Variants in SLC28A1 observed in about 807,000 individuals in gnomAD.
SLC28A1 encodes sodium/nucleoside cotransporter 1.
SLC28A1 carries 64 observed loss-of-function variants against 74.8 expected under a neutral mutation model. That is an observed-to-expected ratio of 0.86 (90% CI 0.70 to 1.05). The LOEUF is 1.05. SLC28A1 is among the 50% of genes least tolerant of loss of function. The probability of loss-of-function intolerance (pLI) is 0.00; values close to 1 mark genes in which losing one functional copy is unlikely to be tolerated. For synonymous variants in SLC28A1, 359 were observed against 335.0 expected (o/e 1.07, Z -0.78); for missense variants, 828 against 822.8 (o/e 1.01, Z -0.08).
the SLC28A1 span, among the ~76,000 whole-genome samples, chr15:84,964,994 T>G: frequency 1.3e-5 from 2 of 152,132 alleles, no homozygotes; most frequent in African/African-American, 4.8e-5. Flanking sequence ...AGATCCTCAG[T>G]ATGGAATGCC....
intron 9 of SLC28A1, among the ~76,000 whole-genome samples, chr15:84,917,484 G>A (rs1046276825): frequency 6.6e-6 from 1 of 151,618 alleles, no homozygotes; most frequent in Non-Finnish European, 1.5e-5. Context: ...ATGTTGCCCA[G>A]CCTGGCCTTG....
In SLC28A1 at chr15:84,935,129, G is replaced by T; in HGVS notation, c.1318G>T (p.Asp440Tyr). 6.2e-7 allele frequency: 1 copy of T among 1,614,150 alleles called. No individual in the cohort carries two copies. Among genetic ancestry groups the T allele is most frequent in the East Asian group, 2.2e-5 (1 of 44,892 alleles). Residue 440 changes from aspartate (D) to tyrosine (Y), a missense_variant, in exon 14 of 19, where the codon GAC (aspartate) becomes TAC (tyrosine). Transcript: ENST00000394573. ...ANLIAFLAVL[D>Y]FINAALSWLG... ...CCTGATTGCGTTCCTGGCTGTGCTG[G>T]ACTTTATCAATGCTGCCCTCTCCTG... is the stretch of plus-strand genomic sequence containing the variant.
chr15:84,890,579 C>T, intron 5 of SLC28A1, 45 bp downstream of exon 5: 1 of 1,444,154 alleles, frequency 6.9e-7, no homozygotes, highest in Non-Finnish European at 9.6e-7. Context: ...TGACTCCTGC[C>T]TCAGCTATCC....
intron 4 of SLC28A1, 138 bp downstream of exon 4, chr15:84,888,998 C>A: frequency 3.0e-6 from 2 of 669,824 alleles, no homozygotes; most frequent in Non-Finnish European, 2.7e-6. Flanking sequence ...GGCGCTTTAG[C>A]CAACACGCAC....
Position 84,908,636 on chromosome 15 carries a change from G to C in SLC28A1, c.718-82G>C, listed in dbSNP as rs572163947. 5.7e-6 allele frequency: 7 copies of C among 1,217,796 alleles called. No homozygotes were observed. The African/African-American group carries it at 1.0e-4, about 18-fold the overall frequency. The allele number at this position is 1,217,796 out of a possible 1,614,324, so 75.4% of individuals were successfully genotyped here. A position where few individuals can be genotyped will look rare whatever the true frequency, so the allele number is the denominator to read the frequency against. On this transcript the variant is annotated intron_variant, in intron 8 of 18. Transcript: ENST00000394573. ...GGGGACTACGTCCCTGGGCCAACCC[G>C]CCTGTCTCTGGCCGCTGCTTCCTCC...
chr15:84,888,603 C>T (rs1339857447), intron 3 of SLC28A1, among the ~76,000 whole-genome samples, 169 bp from the exon 4 acceptor site: 1 of 152,220 alleles, frequency 6.6e-6, no homozygotes, highest in Non-Finnish European at 1.5e-5. Flanking sequence ...ACAGTAGGTG[C>T]TCAGTGCCTG....
intron 8 of SLC28A1, among the ~76,000 whole-genome samples, chr15:84,906,160 C>T (rs2141791516): frequency 6.6e-6 from 1 of 151,992 alleles, no homozygotes; most frequent in African/African-American, 2.4e-5. Flanking sequence ...GCTGGGATTA[C>T]AGGCTCCCAC....
At chr15:84,923,020 C>T (rs547916519) in intron 11 of SLC28A1, among the ~76,000 whole-genome samples, 6 of 152,214 alleles carry the variant, frequency 3.9e-5, no homozygotes, top group Admixed American at 1.3e-4. Flanking sequence ...TCACTGCAAC[C>T]TCCGCCTCCC....
At chr15:84,894,200 T>C (rs1965683971) in intron 5 of SLC28A1, among the ~76,000 whole-genome samples, 1 of 152,042 alleles carries the variant, frequency 6.6e-6, no homozygotes, top group South Asian at 2.1e-4. Flanking sequence ...GGCGAAACCC[T>C]GTCTCTACCA....
At position 84,892,713 on chromosome 15, in the gene SLC28A1, G is replaced by A. The variant is rs138034288; in HGVS notation, c.277+2179G>A. On this transcript the variant is annotated intron_variant, in intron 5 of 18. Coordinates refer to ENST00000394573, the MANE Select transcript of SLC28A1 (RefSeq NM_004213.5). ...AGACGTTCTGGGAATAGCTGTGATA[G>A]AGAAATGAGGCTCATATTCTCAGGA... Among the ~76,000 whole-genome samples the A allele has an allele frequency of 1.8e-4, 27 of 152,322 alleles. No homozygotes were observed. The East Asian group carries it at 4.8e-3, about 27-fold the overall frequency.
chr15:84,905,654 TA>T lies in SLC28A1; in HGVS notation c.717+3del. 1 of 1,603,998 alleles carries T rather than the reference TA, an allele frequency of 6.2e-7. No homozygotes were observed. The highest frequency in any genetic ancestry group is 2.2e-5 in the East Asian group (1 of 44,790). Reference sequence around the variant, plus strand: ...GAGTGGCTGGGCGAGCAGATCCGGGTAGGTATGTGGGGTCTGGCTGCCCAGA... The same window carrying T: ...GAGTGGCTGGGCGAGCAGATCCGGGTGGTATGTGGGGTCTGGCTGCCCAGA... On this transcript the variant is annotated splice_donor_region_variant and intron_variant, in intron 8 of 18. Transcript: ENST00000394573.
chr15:84,933,362 C>G, intron 13 of SLC28A1, 87 bp downstream of exon 13: 1 of 1,480,176 alleles, frequency 6.8e-7, no homozygotes, highest in East Asian at 2.5e-5. Flanking sequence ...CTGTCCATCA[C>G]TGTCTTCCAC....
intron 4 of SLC28A1, among the ~76,000 whole-genome samples, chr15:84,890,198 G>A (rs962925349): frequency 2.6e-5 from 4 of 152,228 alleles, no homozygotes; most frequent in Non-Finnish European, 5.9e-5. Flanking sequence ...CCTGAGCCCT[G>A]GAGGCAGGGA....
chr15:84,930,475 AAC>A (rs1373601276), intron 12 of SLC28A1, among the ~76,000 whole-genome samples: 4 of 152,190 alleles, frequency 2.6e-5, no homozygotes, highest in Non-Finnish European at 5.9e-5. Flanking sequence ...TTTAAAAAGA[AAC>A]AACTGGGGTT....
intron 9 of SLC28A1, among the ~76,000 whole-genome samples, chr15:84,909,147 T>A (rs879899930): frequency 2.0e-5 from 3 of 152,162 alleles, no homozygotes; most frequent in Non-Finnish European, 4.4e-5. Flanking sequence ...TAGTCCCTGA[T>A]GTGCTGCAGA....
chr15:84,917,034 A>C (rs1740332798), intron 9 of SLC28A1, among the ~76,000 whole-genome samples: 1 of 144,252 alleles, frequency 6.9e-6, no homozygotes, highest in African/African-American at 2.5e-5. Flanking sequence ...TCTCAAAAAA[A>C]AAAAAATAAA....
chr15:84,948,801 A>C (rs970357783), downstream of SLC28A1, among the ~76,000 whole-genome samples: 39 of 152,220 alleles, frequency 2.6e-4, no homozygotes, highest in African/African-American at 9.4e-4. Flanking sequence ...ATTTGCTTAA[A>C]CCTCATCAAG....
intron 8 of SLC28A1, among the ~76,000 whole-genome samples, chr15:84,906,374 G>T (rs1967109985): frequency 6.6e-6 from 1 of 152,162 alleles, no homozygotes; most frequent in East Asian, 1.9e-4. Flanking sequence ...TGAGTGCAGT[G>T]GTGTGGATAT....
chr15:84,936,988 G>A, intron 15 of SLC28A1, among the ~76,000 whole-genome samples: 1 of 151,990 alleles, frequency 6.6e-6, no homozygotes, highest in Middle Eastern at 3.2e-3. Context: ...AGGAGTTTGA[G>A]GCTGTAGTGA....
Sources: gnomAD v4.1 joint callset for allele counts (sites outside exome capture counted in the v4.1 genomes callset) on GRCh38, gnomAD v4.1.1 for gene constraint, MANE v1.5 for transcripts, NCBI Gene and HGNC (gene_info 2026-07-23, HGNC 2026-07-21) for gene names.